Variants in ZNF33B observed in about 807,000 individuals in gnomAD.
ZNF33B encodes zinc finger protein 11b (KOX 2).
ZNF33B carries 29 observed loss-of-function variants against 45.8 expected under a neutral mutation model. The ratio of observed to expected loss-of-function variants is 0.63; its 90% confidence interval spans 0.47 to 0.86. ZNF33B has a LOEUF of 0.86. ZNF33B is among the 40% of genes least tolerant of loss of function. The probability of loss-of-function intolerance (pLI) is 0.00; values close to 1 mark genes in which losing one functional copy is unlikely to be tolerated. For missense variants in ZNF33B, 831 were observed against 909.9 expected (o/e 0.91, Z 1.12); for synonymous variants, 305 against 307.8 (o/e 0.99, Z 0.10).
intron 1 of ZNF33B, among the ~76,000 whole-genome samples, chr10:42,579,188 T>C (rs887111654): frequency 1.3e-5 from 2 of 152,178 alleles, no homozygotes; most frequent in Non-Finnish European, 2.9e-5. Flanking sequence ...TTTATCTTTT[T>C]TTGACAATTT....
intron 4 of ZNF33B, among the ~76,000 whole-genome samples, chr10:42,625,948 A>G (rs1343930656): frequency 6.6e-6 from 1 of 152,242 alleles, no homozygotes; most frequent in Non-Finnish European, 1.5e-5. Flanking sequence ...GAGAGCAAAC[A>G]TCCTTGCCTT....
intron 4 of ZNF33B, among the ~76,000 whole-genome samples, chr10:42,605,633 C>T (rs1401967848): frequency 6.6e-6 from 1 of 152,074 alleles, no homozygotes; most frequent in African/African-American, 2.4e-5. Flanking sequence ...TGACTCCAAA[C>T]ACTAGATCAA....
intron 4 of ZNF33B, among the ~76,000 whole-genome samples, chr10:42,623,744 T>C (rs1838687944): frequency 6.6e-6 from 1 of 152,330 alleles, no homozygotes; most frequent in Middle Eastern, 3.4e-3. Flanking sequence ...GTTTTAGAAA[T>C]TGTGGTTATG....
chr10:42,588,150 A>G (rs1377899963), downstream of ZNF33B, among the ~76,000 whole-genome samples: 1 of 152,244 alleles, frequency 6.6e-6, no homozygotes, highest in Non-Finnish European at 1.5e-5. Flanking sequence ...GTTTGTGTGC[A>G]GTGTGGTCAC....
In ZNF33B at chr10:42,597,036, T is replaced by G. The variant is rs115571991; in HGVS notation, c.251-2337A>C. 2.5e-3 allele frequency among the ~76,000 whole-genome samples: 384 copies of G among 152,204 alleles called. 4 individuals carry two copies. Among genetic ancestry groups the G allele is most frequent in the African/African-American group, 8.8e-3 (365 of 41,574 alleles). Reference sequence around the variant, plus strand: ...TTCCATTTTTCACAATTATATACAATGTCAATTGTACATTTTCTATAGATG... The same window carrying G: ...TTCCATTTTTCACAATTATATACAAGGTCAATTGTACATTTTCTATAGATG... On this transcript the variant is annotated intron_variant, in intron 4 of 4. Transcript: ENST00000359467.
At chr10:42,622,269 G>T (rs928495859) in intron 4 of ZNF33B, among the ~76,000 whole-genome samples, 1 of 152,104 alleles carries the variant, frequency 6.6e-6, no homozygotes, top group Non-Finnish European at 1.5e-5. Flanking sequence ...CATCCAAAAT[G>T]ATCTACAGAT....
In ZNF33B at chr10:42,617,092, C is replaced by CTTTTTTTT. The variant is rs199977911; in HGVS notation, c.250+14829_250+14836dup. The stretch of plus-strand genomic sequence containing the variant: ...TTGAAGAAAATTGTTCATTTTTTCT[C>CTTTTTTTT]TTTTTTTTTTTTTTTTTTTTTTTTT... On this transcript the variant is annotated intron_variant, in intron 4 of 4. Transcript: ENST00000359467. 2.5e-4 allele frequency among the ~76,000 whole-genome samples: 15 copies of CTTTTTTTT among 61,198 alleles called. 1 individual carries two copies. The highest frequency in any genetic ancestry group is 9.6e-4 in the East Asian group (2 of 2,080). 40.1% of individuals were successfully genotyped at this position (61,198 alleles called of 152,430 possible). A position where few individuals can be genotyped will look rare whatever the true frequency, so the allele number is the denominator to read the frequency against.
chr10:42,607,372 T>C (rs1425576185), intron 4 of ZNF33B, among the ~76,000 whole-genome samples: 1 of 133,858 alleles, frequency 7.5e-6, no homozygotes, highest in African/African-American at 2.9e-5. Flanking sequence ...TGAGAGACAC[T>C]GGAGACTTGG....
intron 1 of ZNF33B, among the ~76,000 whole-genome samples, chr10:42,576,103 C>G (rs377631273): frequency 6.6e-6 from 1 of 150,748 alleles, no homozygotes; most frequent in South Asian, 2.4e-4. Context: ...GTTGGCCAGG[C>G]TGGTCTCGAA....
Position 42,616,546 on chromosome 10 carries a change from A to G in ZNF33B, c.250+15383T>C, listed in dbSNP as rs145814468. Among the ~76,000 whole-genome samples, 137 of 152,032 alleles carry G rather than the reference A, an allele frequency of 9.0e-4. 1 individual carries two copies. Among genetic ancestry groups the G allele is most frequent in the African/African-American group, 3.0e-3 (123 of 41,486 alleles). On this transcript the variant is annotated intron_variant, in intron 4 of 4. Transcript: ENST00000359467. ...ATGAAAATTTGACTTCCCAACCTTTATGTTTTATTATTTTTTTCTTGTCTG... is the reference window on the plus strand; with the variant it reads ...ATGAAAATTTGACTTCCCAACCTTTGTGTTTTATTATTTTTTTCTTGTCTG...
chr10:42,630,028 G>A (rs190416516), intron 4 of ZNF33B, among the ~76,000 whole-genome samples: 1 of 152,094 alleles, frequency 6.6e-6, no homozygotes, highest in Non-Finnish European at 1.5e-5. Context: ...CATCAAAAAT[G>A]ATTCTAGAAA....
In ZNF33B at chr10:42,593,474, T is replaced by C. The variant is rs771010085; in HGVS notation, c.1476A>G (p.Ile492Met). ...CATTACATTCATAAGGTTTATCTCCTATGTGAGTTCTCTGATGCTGTGTAA... is the reference window on the plus strand; with the variant it reads ...CATTACATTCATAAGGTTTATCTCCCATGTGAGTTCTCTGATGCTGTGTAA... ...SHLTQHQRTH[I>M]GDKPYECNAC... Residue 492 changes from isoleucine to methionine, a missense_variant, in exon 5 of 5, where the codon ATA (isoleucine) becomes ATG (methionine). Coordinates refer to ENST00000359467, the MANE Select transcript of ZNF33B (RefSeq NM_006955.3). 3 of 1,614,122 alleles carry C rather than the reference T, an allele frequency of 1.9e-6. No individual in the cohort carries two copies. Among genetic ancestry groups the C allele is most frequent in the Non-Finnish European group, 1.7e-6 (2 of 1,179,982 alleles).
At chr10:42,637,073 A>C (rs1033095242) in intron 1 of ZNF33B, 101 bp from the exon 2 acceptor site, 7 of 1,127,746 alleles carry the variant, frequency 6.2e-6, no homozygotes, top group Non-Finnish European at 9.1e-6. Flanking sequence ...ACTAGGTAAA[A>C]TGCTCCGTCT....
chr10:42,617,753 T>C (rs946265508), intron 4 of ZNF33B, among the ~76,000 whole-genome samples: 86 of 152,262 alleles, frequency 5.6e-4, no homozygotes, highest in African/African-American at 2.0e-3. Flanking sequence ...GTTCTCCATC[T>C]CTATGCTGTC....
intron 4 of ZNF33B, among the ~76,000 whole-genome samples, chr10:42,628,295 C>T (rs1189454453): frequency 2.0e-5 from 3 of 152,306 alleles, no homozygotes; most frequent in Non-Finnish European, 4.4e-5. Flanking sequence ...GAATTACAGG[C>T]GTGAGACACC....
chr10:42,581,994 T>G (rs1589010072), intron 1 of ZNF33B: 1 of 152,294 alleles, frequency 6.6e-6, no homozygotes, highest in African/African-American at 2.4e-5. Context: ...TGCATGCCTG[T>G]AATCCCAGCT....
chr10:42,583,949 A>G (rs1333654835), intron 1 of ZNF33B, among the ~76,000 whole-genome samples: 3 of 152,220 alleles, frequency 2.0e-5, no homozygotes, highest in African/African-American at 7.2e-5. Context: ...TGGCAGCCCC[A>G]GCCACAGAAC....
rs1026761646 is a variant in ZNF33B at position 42,590,437 on chromosome 10, T to A, written c.*2176A>T. 7 of 152,162 alleles carry A rather than the reference T, an allele frequency of 4.6e-5. No homozygotes were observed. Among genetic ancestry groups the A allele is most frequent in the African/African-American group, 1.7e-4 (7 of 41,404 alleles). 9.4% of individuals were successfully genotyped at this position (152,162 alleles called of 1,614,324 possible). On this transcript the variant is annotated 3_prime_UTR_variant, in exon 5 of 5. Transcript: ENST00000359467. ...TCTCACTCTGTCACCCAGGCTGGAG[T>A]ACAGTGGCACAATCTTGGCTCACTG... is the stretch of plus-strand genomic sequence containing the variant.
chr10:42,593,248 G>A lies in ZNF33B; in HGVS notation c.1702C>T (p.Leu568Phe), dbSNP rs1324684244. The change falls in exon 5 of 5, where the codon CTC becomes TTC. Residue 568 changes from leucine (L) to phenylalanine (F), a missense_variant. Physicochemically the swap from Leu to Phe is conservative, Grantham distance 22 (BLOSUM62 0). Transcript: ENST00000359467. ...GTGTGTGTTCTATAATGTTGAGAGA[G>A]GGTTGACTTATGGCTAAAGAATTTC... ...CGKFFSHKST[L>F]SQHYRTHTGE... 6.2e-7 allele frequency: 1 copy of A among 1,613,862 alleles called. No individual in the cohort carries two copies. The highest frequency in any genetic ancestry group is 8.5e-7 in the Non-Finnish European group (1 of 1,179,984).
Sources: allele counts gnomAD v4.1 joint callset (sites outside exome capture counted in the v4.1 genomes callset), GRCh38; gene constraint gnomAD v4.1.1; transcripts MANE v1.5; gene names NCBI Gene and HGNC (gene_info 2026-07-23, HGNC 2026-07-21).